The following ST6GALNAC6 variants were observed in gnomAD, a reference collection of about 807,000 sequenced individuals.
The protein encoded by ST6GALNAC6 is ST6 N-acetylgalactosaminide alpha-2,6-sialyltransferase 6, also known as alpha-N-acetylgalactosaminide alpha-2,6-sialyltransferase 6.
ST6GALNAC6 carries 19 observed loss-of-function variants against 34.3 expected under a neutral mutation model. That is an observed-to-expected ratio of 0.55 (90% CI 0.39 to 0.81). ST6GALNAC6 has a LOEUF of 0.81. Ranked by LOEUF, ST6GALNAC6 falls within the 40% of genes least tolerant of loss-of-function variation. The pLI, the probability that ST6GALNAC6 is intolerant of heterozygous loss-of-function variation, is 0.00. For missense variants in ST6GALNAC6, 377 were observed against 467.7 expected, an observed-to-expected ratio of 0.81 and a Z score of 1.79; for synonymous variants, 185 against 182.1, an observed-to-expected ratio of 1.02 and a Z score of -0.13.
chr9:127,895,782 C>T (rs1042655694), intron 3 of ST6GALNAC6, among the ~76,000 whole-genome samples: 1 of 152,160 alleles, frequency 6.6e-6, no homozygotes, highest in African/African-American at 2.4e-5. Flanking sequence ...AGGGAAGGGG[C>T]ATGCAGGGCC....
intron 2 of ST6GALNAC6, 98 bp downstream of exon 2, chr9:127,897,858 C>T: frequency 6.3e-7 from 1 of 1,595,494 alleles, no homozygotes. Flanking sequence ...GCCAGGACCA[C>T]CGTCCCCCTG....
chr9:127,887,487 C>T lies in ST6GALNAC6; in HGVS notation c.809G>A (p.Cys270Tyr). ...HVYGMVPPNY[C>Y]SQRPRLQRMP... The stretch of plus-strand genomic sequence containing the variant: ...GGCGCTGGCAAGGAGGGCTCACCTG[C>T]AGTAGTTGGGGGGGACCATGCCATA... The change falls in exon 6 of 7, where the codon TGC becomes TAC. Residue 270 changes from cysteine (C) to tyrosine (Y), a missense_variant. By Grantham distance (194) the Cys-to-Tyr change is radical (BLOSUM62 -2). Transcript: ENST00000373146. 6.2e-6 allele frequency: 10 copies of T among 1,610,832 alleles called. No individual in the cohort carries two copies. Among genetic ancestry groups the T allele is most frequent in the Non-Finnish European group, 8.5e-6 (10 of 1,178,288 alleles).
At chr9:127,888,176 C>G (rs913992951) in intron 5 of ST6GALNAC6, among the ~76,000 whole-genome samples, 1 of 152,066 alleles carries the variant, frequency 6.6e-6, no homozygotes, top group Non-Finnish European at 1.5e-5. Flanking sequence ...TCAAGACCAG[C>G]CTGGGGAACA....
chr9:127,897,874 C>T, intron 2 of ST6GALNAC6, 82 bp downstream of exon 2: 1 of 1,604,358 alleles, frequency 6.2e-7, no homozygotes, highest in Admixed American at 1.7e-5. Flanking sequence ...CCCTGGTCCG[C>T]CCCGTCACAA....
chr9:127,887,465 G>A lies in ST6GALNAC6; in HGVS notation c.812+19C>T, dbSNP rs765945764. On this transcript the variant is annotated intron_variant, in intron 6 of 6. Transcript: ENST00000373146. Reference sequence around the variant, plus strand: ...TGCCTGGGTGTTGTCCTGGGAGGGCGCTGGCAAGGAGGGCTCACCTGCAGT... The same window carrying A: ...TGCCTGGGTGTTGTCCTGGGAGGGCACTGGCAAGGAGGGCTCACCTGCAGT... 24 of 1,596,698 alleles carry A rather than the reference G, an allele frequency of 1.5e-5. No homozygotes were observed. The highest frequency in any genetic ancestry group is 4.5e-5 in the South Asian group (4 of 89,476).
intron 3 of ST6GALNAC6, among the ~76,000 whole-genome samples, chr9:127,895,573 A>G (rs1027929894): frequency 6.6e-6 from 1 of 152,184 alleles, no homozygotes; most frequent in African/African-American, 2.4e-5. Flanking sequence ...TGCTCCTTAT[A>G]TTAATATCTG....
chr9:127,900,802 C>G (rs1830725525), upstream of ST6GALNAC6, among the ~76,000 whole-genome samples: 1 of 148,356 alleles, frequency 6.7e-6, no homozygotes, highest in African/African-American at 2.5e-5. Flanking sequence ...CCCCACCCCA[C>G]CCCGCCTCCA....
rs1830070522 is a variant in ST6GALNAC6 at position 127,890,543 on chromosome 9, G to C, written c.704+94C>G. Reference sequence around the variant, plus strand: ...GACGGCGGGACTTGACTACCCCTCAGAGCAGTGCATGCTGGGAGCAACAGG... The same window carrying C: ...GACGGCGGGACTTGACTACCCCTCACAGCAGTGCATGCTGGGAGCAACAGG... On this transcript the variant is annotated intron_variant, in intron 5 of 6. Coordinates refer to ENST00000373146, the MANE Select transcript of ST6GALNAC6 (RefSeq NM_013443.5). The surrounding 1 kb of genome is among the most constrained non-coding windows in gnomAD (Gnocchi z 4.3). 6.4e-7 allele frequency: 1 copy of C among 1,565,586 alleles called. No individual in the cohort carries two copies. Among genetic ancestry groups the C allele is most frequent in the Non-Finnish European group, 8.7e-7 (1 of 1,148,734 alleles).
intron 4 of ST6GALNAC6, among the ~76,000 whole-genome samples, chr9:127,891,642 G>A (rs2131509145): frequency 6.9e-6 from 1 of 145,948 alleles, no homozygotes; most frequent in Admixed American, 6.9e-5. Context: ...AAGAAAGAAA[G>A]AAAAGAAACA....
upstream of ST6GALNAC6, chr9:127,899,610 C>T: frequency 4.1e-6 from 4 of 982,248 alleles, no homozygotes; most frequent in Non-Finnish European, 4.8e-6. Flanking sequence ...CCTCGCCGCA[C>T]CCGCGGCCCG....
At position 127,887,618 on chromosome 9, in the gene ST6GALNAC6, G is replaced by A. The variant is rs757130389; in HGVS notation, c.705-27C>T. On this transcript the variant is annotated intron_variant, in intron 5 of 6. Coordinates refer to ENST00000373146, the MANE Select transcript of ST6GALNAC6 (RefSeq NM_013443.5). ...TGGGGATGGAGAGGGGTCACGATGAGGGCACATGCAGGGAGAGATGGGAGC... is the reference window on the plus strand; with the variant it reads ...TGGGGATGGAGAGGGGTCACGATGAAGGCACATGCAGGGAGAGATGGGAGC... The A allele has an allele frequency of 1.0e-5, 16 of 1,572,448 alleles. No homozygotes were observed. The Admixed American group carries it at 1.4e-4, about 14-fold the overall frequency.
Position 127,896,304 on chromosome 9 carries a change from G to A in ST6GALNAC6, c.55C>T (p.Pro19Ser), listed in dbSNP as rs1185175097. 2.5e-6 allele frequency: 4 copies of A among 1,613,632 alleles called. No homozygotes were observed. The African/African-American group carries it at 4.0e-5, about 16-fold the overall frequency. The change falls in exon 3 of 7, where the codon CCA becomes TCA. Residue 19 changes from proline (P) to serine (S), a missense_variant. By Grantham distance (74) the Pro-to-Ser change is moderately conservative (BLOSUM62 -1). Coordinates refer to ENST00000373146, the MANE Select transcript of ST6GALNAC6 (RefSeq NM_013443.5). ...QCEPTSLPPG[P>S]PAGRRHLPLS... ...GGTAGGTGTCGGCGTCCTGCAGGTG[G>A]CCCTGGGGGCAGGGATGTGGGTTCA...
At chr9:127,905,678 G>A (rs979320172), upstream of ST6GALNAC6, among the ~76,000 whole-genome samples, 8 of 152,304 alleles carry the variant, frequency 5.3e-5, no homozygotes, top group East Asian at 5.8e-4. Context: ...TGAACCCCAC[G>A]AAAAATGCTG....
At chr9:127,897,372 G>A (rs764289464) in intron 2 of ST6GALNAC6, 198 of 985,832 alleles carry the variant, frequency 2.0e-4, no homozygotes, top group Non-Finnish European at 2.3e-4. Context: ...CTTTGACCTA[G>A]CCGCTGTTTA....
At chr9:127,897,872 C>T (rs368336478) in intron 2 of ST6GALNAC6, 84 bp downstream of exon 2, 7 of 1,601,948 alleles carry the variant, frequency 4.4e-6, no homozygotes, top group East Asian at 4.5e-5. Flanking sequence ...CCCCCTGGTC[C>T]GCCCCGTCAC....
rs970939662 is a variant in ST6GALNAC6 at position 127,890,735 on chromosome 9, T to G, written c.606A>C (p.Arg202=). Residue 202 remains arginine (R), a synonymous_variant, in exon 5 of 7, where the codon CGA becomes CGC. Transcript: ENST00000373146. This position sits in a 1 kb window ranked among gnomAD's most constrained non-coding sequence, Gnocchi z 4.3. The part of the protein sequence containing the change: ...PQGSLVRVIQ[R]AGLVFPNMEA... The stretch of plus-strand genomic sequence containing the variant: ...CCATGTTGGGGAACACCAGGCCCGC[T>G]CGCTGGATCACACGCACGAGGCTGC... 13 of 1,613,602 alleles carry G rather than the reference T, an allele frequency of 8.1e-6. No individual in the cohort carries two copies. In the Admixed American group the frequency reaches 1.0e-4, roughly 12 times the overall value.
rs1588648544 is a variant in ST6GALNAC6, at chr9:127,894,586, C to T, written c.223G>A (p.Gly75Ser). The T allele has an allele frequency of 6.2e-7, 1 of 1,614,142 alleles. No homozygotes were observed. Among genetic ancestry groups the T allele is most frequent in the South Asian group, 1.1e-5 (1 of 91,088 alleles). Residue 75 changes from glycine (G) to serine (S), a missense_variant, in exon 4 of 7, where the codon GGC (glycine) becomes AGC (serine). By Grantham distance (56) the Gly-to-Ser change is moderately conservative. Coordinates refer to ENST00000373146, the MANE Select transcript of ST6GALNAC6 (RefSeq NM_013443.5). The stretch of plus-strand genomic sequence containing the variant: ...AGGTTGACAGGTCGGCGGCTACGGC[C>T]CCGCAGGGAGCCGTAATGGAAGACC... ...NEVFHYGSLR[G>S]RSRRPVNLKK...
At chr9:127,897,757 C>T (rs1830559498) in intron 2 of ST6GALNAC6, 199 bp downstream of exon 2, 1 of 1,333,114 alleles carries the variant, frequency 7.5e-7, no homozygotes, top group Non-Finnish European at 1.0e-6. Flanking sequence ...GGGGTCCAGC[C>T]GCCTATATCT....
intron 4 of ST6GALNAC6, among the ~76,000 whole-genome samples, chr9:127,891,750 A>C: frequency 8.5e-6 from 1 of 117,296 alleles, no homozygotes; most frequent in African/African-American, 3.2e-5. Flanking sequence ...GGGGAGGGGA[A>C]GAAGACAGGG....
Sources: gnomAD v4.1 joint callset for allele counts (sites outside exome capture counted in the v4.1 genomes callset) on GRCh38, gnomAD v4.1.1 for gene constraint, Gnocchi (gnomAD v3.1) non-coding constraint, MANE v1.5 for transcripts, NCBI Gene and HGNC (gene_info 2026-07-23, HGNC 2026-07-21) for gene names.